The following LPIN1 variants were observed in gnomAD, a reference collection of about 807,000 sequenced individuals.
LPIN1 encodes the protein lipin 1.
LPIN1 carries 71 observed loss-of-function variants against 107.5 expected under a neutral mutation model. The ratio of observed to expected loss-of-function variants is 0.66; its 90% confidence interval spans 0.55 to 0.80. LPIN1 has a LOEUF of 0.80. LPIN1 is among the 30% of genes least tolerant of loss of function. LPIN1 has a pLI of 0.00. For synonymous variants in LPIN1, 445 were observed against 452.6 expected, an observed-to-expected ratio of 0.98 and a Z score of 0.21; for missense variants, 1,043 against 1,160.6, an observed-to-expected ratio of 0.90 and a Z score of 1.47.
intron 12 of LPIN1, among the ~76,000 whole-genome samples, chr2:11,788,876 C>T (rs1675142767): frequency 6.6e-6 from 1 of 152,166 alleles, no homozygotes; most frequent in South Asian, 2.1e-4. Context: ...TGCTGCTCAG[C>T]CAGGAAGCCA....
At chr2:11,824,008 A>T (rs181655969) in intron 20 of LPIN1, among the ~76,000 whole-genome samples, 2 of 152,184 alleles carry the variant, frequency 1.3e-5, no homozygotes, top group African/African-American at 4.8e-5. Context: ...ATTTAGATAC[A>T]TTTGAGCACC....
chr2:11,785,018 C>G lies in LPIN1; in HGVS notation c.1491C>G (p.Leu497=), dbSNP rs1331198858. The part of the protein sequence containing the change: ...VESTSDGLRD[L]PSIAISLCGG... Reference sequence around the variant, plus strand: ...GCACCTCGGACGGGCTGAGGGACCTCCCTTCCATCGCCATCTCCCTCTGCG... The same window carrying G: ...GCACCTCGGACGGGCTGAGGGACCTGCCTTCCATCGCCATCTCCCTCTGCG... The change falls in exon 10 of 21, where the codon CTC becomes CTG. Residue 497 remains leucine (L), a synonymous_variant. Transcript: ENST00000674199. 6.2e-7 allele frequency: 1 copy of G among 1,609,632 alleles called. No individual in the cohort carries two copies. Among genetic ancestry groups the G allele is most frequent in the Non-Finnish European group, 8.5e-7 (1 of 1,177,190 alleles).
At position 11,707,637 on chromosome 2, in the gene LPIN1, T is replaced by G. The variant is rs1663190915; in HGVS notation, c.82-6119T>G. Reference sequence around the variant, plus strand: ...GAGCAGCGTGGCTGGGACTGGGTGGTGGTGCACGCACGGGGAGAAGTGCTC... The same window carrying G: ...GAGCAGCGTGGCTGGGACTGGGTGGGGGTGCACGCACGGGGAGAAGTGCTC... On this transcript the variant is annotated intron_variant, in intron 1 of 21. Coordinates refer to the LPIN1 transcript ENST00000449576. This position sits in a 1 kb window ranked among gnomAD's most constrained non-coding sequence, Gnocchi z 4.2. 6.6e-6 allele frequency among the ~76,000 whole-genome samples: 1 copy of G among 152,070 alleles called. No homozygotes were observed. The highest frequency in any genetic ancestry group is 1.5e-5 in the Non-Finnish European group (1 of 68,010).
At chr2:11,679,506 G>T (rs906917836) in intron 1 of LPIN1, among the ~76,000 whole-genome samples, 10 of 152,228 alleles carry the variant, frequency 6.6e-5, no homozygotes, top group Admixed American at 4.6e-4. Context: ...AAACAGAGGT[G>T]GTGCTTCCTT....
At chr2:11,699,678 T>C (rs1261851427) in intron 1 of LPIN1, among the ~76,000 whole-genome samples, 1 of 152,052 alleles carries the variant, frequency 6.6e-6, no homozygotes, top group Non-Finnish European at 1.5e-5. Flanking sequence ...ACATTCACCA[T>C]CGGACGAAGG....
chr2:11,677,818 G>A, intron 1 of LPIN1: 1 of 1,142,894 alleles, frequency 8.7e-7, no homozygotes, highest in Non-Finnish European at 1.3e-6. Flanking sequence ...GGGACCCGGG[G>A]AACATTTGCG....
chr2:11,783,763 A>T, intron 8 of LPIN1, 66 bp from the exon 9 acceptor site: 2 of 1,312,792 alleles, frequency 1.5e-6, no homozygotes, highest in South Asian at 1.2e-5. Context: ...CTGTTTCTAT[A>T]GATACAAGGC....
At chr2:11,756,029 C>A (rs1381612500) in intron 1 of LPIN1, among the ~76,000 whole-genome samples, 1 of 152,086 alleles carries the variant, frequency 6.6e-6, no homozygotes, top group Non-Finnish European at 1.5e-5. Context: ...CCACTTAGTT[C>A]TTAAAGAAAG....
At position 11,780,081 on chromosome 2, in the gene LPIN1, G is replaced by A. The variant is rs147181847; in HGVS notation, c.957+436G>A. On this transcript the variant is annotated intron_variant, in intron 7 of 20. Coordinates refer to ENST00000674199, the MANE Select transcript of LPIN1 (RefSeq NM_001349206.2). ...TTTTTAGTAGAGACGGGGTTTCACC[G>A]TGTTGGCCAGGCTGGTCTTGAACTG... Among the ~76,000 whole-genome samples, 1,041 of 152,172 alleles carry A rather than the reference G, an allele frequency of 6.8e-3. 17 individuals carry two copies. The highest frequency in any genetic ancestry group is 0.024 in the African/African-American group (978 of 41,520).
intron 1 of LPIN1, among the ~76,000 whole-genome samples, chr2:11,708,229 T>A (rs114585228): frequency 6.6e-6 from 1 of 152,280 alleles, no homozygotes; most frequent in Non-Finnish European, 1.5e-5. Context: ...TTGACTCTCA[T>A]CAATTTCACT....
At chr2:11,678,435 G>A (rs539952207) in intron 1 of LPIN1, among the ~76,000 whole-genome samples, 1 of 152,326 alleles carries the variant, frequency 6.6e-6, no homozygotes, top group South Asian at 2.1e-4. Context: ...CTGCAGTGAG[G>A]ATAATGTGTC....
At chr2:11,702,682 T>C (rs1367454186) in intron 1 of LPIN1, among the ~76,000 whole-genome samples, 1 of 152,154 alleles carries the variant, frequency 6.6e-6, no homozygotes, top group African/African-American at 2.4e-5. Context: ...CTAACAGTAA[T>C]GTTAGCAGGG....
chr2:11,792,107 C>G, intron 13 of LPIN1, 101 bp downstream of exon 13: 1 of 1,013,320 alleles, frequency 9.9e-7, no homozygotes, highest in Non-Finnish European at 1.5e-6. Context: ...GAAGATAGGC[C>G]CTAGTGCTGA....
chr2:11,777,366 T>C (rs373245885), intron 6 of LPIN1: 1 of 152,244 alleles, frequency 6.6e-6, no homozygotes, highest in African/African-American at 2.4e-5. Context: ...GACTTTCTCG[T>C]AGGGCTGGGC....
At chr2:11,808,188 G>A (rs944020520) in intron 17 of LPIN1, among the ~76,000 whole-genome samples, 24 of 152,170 alleles carry the variant, frequency 1.6e-4, no homozygotes, top group African/African-American at 4.6e-4. Flanking sequence ...TGTGGATATC[G>A]GAGGGCTTGG....
At chr2:11,782,528 C>T (rs369698755) in intron 8 of LPIN1, 21 bp downstream of exon 8, 63 of 1,613,046 alleles carry the variant, frequency 3.9e-5, no homozygotes, top group Middle Eastern at 3.7e-4. Flanking sequence ...TGGGGCTTCC[C>T]GGCTCTTTTT....
At chr2:11,688,531 T>G (rs72773920) in intron 1 of LPIN1, among the ~76,000 whole-genome samples, 2,585 of 152,294 alleles carry the variant, frequency 0.017, 31 homozygotes, top group Non-Finnish European at 0.025. Context: ...CCCGTAAAAG[T>G]GCAGCCCTTC....
intron 6 of LPIN1, among the ~76,000 whole-genome samples, chr2:11,779,310 T>TG (rs146072159): frequency 6.6e-6 from 1 of 152,040 alleles, no homozygotes; most frequent in East Asian, 1.9e-4. Flanking sequence ...GGCGGCAGGG[T>TG]GGGGCGGGCG....
chr2:11,677,969 C>T (rs900960369), intron 1 of LPIN1, among the ~76,000 whole-genome samples: 10 of 152,236 alleles, frequency 6.6e-5, no homozygotes, highest in Non-Finnish European at 1.0e-4. Flanking sequence ...GAATTAAAGG[C>T]TTTTTTCTTT....
Sources: allele counts gnomAD v4.1 joint callset (sites outside exome capture counted in the v4.1 genomes callset), GRCh38; gene constraint gnomAD v4.1.1; non-coding constraint Gnocchi (gnomAD v3.1); transcripts MANE v1.5; gene names NCBI Gene and HGNC (gene_info 2026-07-23, HGNC 2026-07-21).